The following PSMB2 variants were observed in gnomAD, a reference collection of about 807,000 sequenced individuals.
The protein encoded by PSMB2 is proteasome 20S subunit beta 2.
A neutral mutation model predicts 25.7 loss-of-function variants in PSMB2; 13 were observed. That is an observed-to-expected ratio of 0.51 (90% confidence interval 0.33 to 0.80). The LOEUF (loss-of-function observed/expected upper bound fraction) is 0.80. Among genes scored for constraint, PSMB2 ranks in the 30% least tolerant of loss-of-function variants. PSMB2 has a pLI of 0.02. For missense variants in PSMB2, 202 were observed against 259.0 expected (o/e 0.78, Z 1.51); for synonymous variants, 87 against 96.2 (o/e 0.90, Z 0.56).
intron 3 of PSMB2, among the ~76,000 whole-genome samples, chr1:35,620,565 C>T (rs1650650681): frequency 6.7e-6 from 1 of 149,008 alleles, no homozygotes; most frequent in African/African-American, 2.4e-5. Flanking sequence ...TGCAGTGGCA[C>T]AATCTTGGCT....
chr1:35,628,591 AAAAAAATATATATATATATAT>A (rs1353606598), intron 3 of PSMB2, among the ~76,000 whole-genome samples: 1 of 22,124 alleles, frequency 4.5e-5, no homozygotes, highest in Admixed American at 7.8e-4. Context: ...AAAAAAAAAA[AAAAAAATATATATATATATAT>A]ATATATATAT....
intron 3 of PSMB2, among the ~76,000 whole-genome samples, chr1:35,625,800 A>T (rs1485228139): frequency 6.6e-6 from 1 of 151,736 alleles, no homozygotes; most frequent in Non-Finnish European, 1.5e-5. Flanking sequence ...ATAACTCATC[A>T]TCCTCTGACA....
rs536378149 is a variant in PSMB2, at chr1:35,599,898, C to G, written c.*3369G>C. 8 of 941,168 alleles carry G rather than the reference C, an allele frequency of 8.5e-6. No individual in the cohort carries two copies. In the African/African-American group the frequency reaches 1.4e-4, roughly 17 times the overall value. The allele number at this position is 941,168 out of a possible 1,614,324, so 58.3% of individuals were successfully genotyped here. ...CTGTAATCCCAGTGCTTTGGCAGAC[C>G]AAGGTGGGAGGATCACTTGAGGCCA... On this transcript the variant is annotated 3_prime_UTR_variant, in exon 6 of 6. Coordinates refer to ENST00000373237, the MANE Select transcript of PSMB2 (RefSeq NM_002794.5).
At chr1:35,617,036 A>G (rs1650509796) in intron 3 of PSMB2, among the ~76,000 whole-genome samples, 1 of 152,108 alleles carries the variant, frequency 6.6e-6, no homozygotes, top group Non-Finnish European at 1.5e-5. Context: ...CCTAAGCAAT[A>G]TGGAATCATT....
At chr1:35,631,494 G>T in intron 2 of PSMB2, 150 bp from the exon 3 acceptor site, 1 of 1,447,608 alleles carries the variant, frequency 6.9e-7, no homozygotes, top group Non-Finnish European at 9.1e-7. Flanking sequence ...TCCTACTCTA[G>T]TCCCTTTCCT....
chr1:35,612,274 C>G (rs77224732), intron 3 of PSMB2, among the ~76,000 whole-genome samples: 1,860 of 151,852 alleles, frequency 0.012, 35 homozygotes, highest in East Asian at 0.061. Context: ...AAAACTTAAC[C>G]CCTATGAGCT....
At chr1:35,611,427 C>T (rs893464148) in intron 3 of PSMB2, among the ~76,000 whole-genome samples, 2 of 152,122 alleles carry the variant, frequency 1.3e-5, no homozygotes, top group African/African-American at 4.8e-5. Context: ...GCTGCAGCCT[C>T]AAACTCCTAG....
At chr1:35,608,317 A>T (rs1043959739) in intron 4 of PSMB2, among the ~76,000 whole-genome samples, 1 of 152,012 alleles carries the variant, frequency 6.6e-6, no homozygotes, top group African/African-American at 2.4e-5. Context: ...GTGAGCCGAG[A>T]TCACTCCACT....
chr1:35,630,883 C>G (rs1454534008), intron 3 of PSMB2, among the ~76,000 whole-genome samples: 1 of 152,190 alleles, frequency 6.6e-6, no homozygotes, highest in East Asian at 1.9e-4. Flanking sequence ...GACAATGTAT[C>G]ACCCTGGTGG....
At chr1:35,605,132 C>A (rs981489554) in intron 5 of PSMB2, 101 bp downstream of exon 5, 80 of 1,203,854 alleles carry the variant, frequency 6.6e-5, no homozygotes, top group Non-Finnish European at 9.3e-5. Context: ...ATGTATTACA[C>A]CTTCTGGCAA....
chr1:35,614,709 G>A (rs1650444810), intron 3 of PSMB2, among the ~76,000 whole-genome samples: 1 of 152,104 alleles, frequency 6.6e-6, no homozygotes, highest in Non-Finnish European at 1.5e-5. Flanking sequence ...CACCATCAAT[G>A]GTCTGCAATG....
At chr1:35,640,265 A>T (rs1651358670) in intron 1 of PSMB2, among the ~76,000 whole-genome samples, 1 of 152,162 alleles carries the variant, frequency 6.6e-6, no homozygotes, top group Admixed American at 6.5e-5. Context: ...ATGTTTGGGC[A>T]CCTACGTACA....
chr1:35,620,627 C>T (rs2148569623), intron 3 of PSMB2, among the ~76,000 whole-genome samples: 1 of 149,628 alleles, frequency 6.7e-6, no homozygotes, highest in East Asian at 2.1e-4. Flanking sequence ...ACTCAGGAGG[C>T]TGAGGCAGGA....
chr1:35,641,299 C>T, intron 1 of PSMB2, 43 bp downstream of exon 1: 1 of 1,612,610 alleles, frequency 6.2e-7, no homozygotes, highest in Non-Finnish European at 8.5e-7. Flanking sequence ...TCTGGCCGCT[C>T]CTACACCCCA....
intron 2 of PSMB2, among the ~76,000 whole-genome samples, chr1:35,635,070 A>AC (rs1651206933): frequency 6.6e-6 from 1 of 151,794 alleles, no homozygotes; most frequent in Non-Finnish European, 1.5e-5. Flanking sequence ...GACCAGCCTG[A>AC]CCAACATGGA....
chr1:35,616,877 G>A (rs1317983751), intron 3 of PSMB2, among the ~76,000 whole-genome samples: 1 of 151,918 alleles, frequency 6.6e-6, no homozygotes, highest in Non-Finnish European at 1.5e-5. Flanking sequence ...TTTAATTAAA[G>A]AAGGACTTCA....
Position 35,603,014 on chromosome 1 carries a change from A to T in PSMB2, c.*253T>A. The T allele has an allele frequency of 8.4e-7, 1 of 1,189,706 alleles. No individual in the cohort carries two copies. The highest frequency in any genetic ancestry group is 1.0e-6 in the Non-Finnish European group (1 of 957,578). The allele number at this position is 1,189,706 out of a possible 1,614,324, so 73.7% of individuals were successfully genotyped here. A position where few individuals can be genotyped will look rare whatever the true frequency, so the allele number is the denominator to read the frequency against. On this transcript the variant is annotated 3_prime_UTR_variant, in exon 6 of 6. Transcript: ENST00000373237. ...GTAGAACGTGGGGCCGTCAGCTGCT[A>T]AAGGGTACTGAGCGTTAATGGAGGG... is the stretch of plus-strand genomic sequence containing the variant.
At position 35,622,836 on chromosome 1, in the gene PSMB2, G is replaced by GA. The variant is rs745402941; in HGVS notation, c.285+8437dup. On this transcript the variant is annotated intron_variant, in intron 3 of 5. Transcript: ENST00000373237. ...AAAAAAAAAAAAAAAGAAAGAAAAA[G>GA]AAAAAAAAATTTCCTGATAAAGCCA... is the stretch of plus-strand genomic sequence containing the variant. Among the ~76,000 whole-genome samples, 6 of 148,978 alleles carry GA rather than the reference G, an allele frequency of 4.0e-5. No homozygotes were observed. The South Asian group carries it at 8.5e-4, about 21-fold the overall frequency.
At chr1:35,615,803 G>A (rs1254290811) in intron 3 of PSMB2, among the ~76,000 whole-genome samples, 3 of 152,166 alleles carry the variant, frequency 2.0e-5, no homozygotes, top group Admixed American at 6.5e-5. Flanking sequence ...CTTTTTTGAT[G>A]TGTTGCACCT....
Sources: allele counts gnomAD v4.1 joint callset (sites outside exome capture counted in the v4.1 genomes callset), GRCh38; gene constraint gnomAD v4.1.1; transcripts MANE v1.5; gene names NCBI Gene and HGNC (gene_info 2026-07-23, HGNC 2026-07-21).